The following C9orf85 variants were observed in gnomAD, a reference collection of about 807,000 sequenced individuals.
C9orf85 encodes the protein uncharacterized protein C9orf85.
In C9orf85, 16 loss-of-function variants were observed where a neutral mutation model predicts 14.9. That is an observed-to-expected ratio of 1.08 (90% CI 0.73 to 1.63). The LOEUF (loss-of-function observed/expected upper bound fraction) is 1.63, where lower values mean the gene tolerates loss of function less well. Among genes scored for constraint, C9orf85 ranks in the 40% most tolerant of loss-of-function variants. The pLI, the probability that C9orf85 is intolerant of heterozygous loss-of-function variation, is 0.00. For missense variants in C9orf85, 172 were observed against 186.1 expected, an observed-to-expected ratio of 0.92 and a Z score of 0.44; for synonymous variants, 45 against 56.8, an observed-to-expected ratio of 0.79 and a Z score of 0.93.
chr9:71,964,719 C>A (rs1338943087), intron 2 of C9orf85, among the ~76,000 whole-genome samples: 1 of 152,170 alleles, frequency 6.6e-6, no homozygotes. Flanking sequence ...ACCAAGAACC[C>A]ACCAATTCCG....
rs566409513 is a variant in C9orf85, at chr9:71,915,877, T to C, written c.102+4041T>C. Among the ~76,000 whole-genome samples the C allele has an allele frequency of 4.3e-4, 65 of 152,372 alleles. 2 individuals are homozygous for C. The highest frequency in any genetic ancestry group is 6.2e-4 in the South Asian group (3 of 4,830). ...AATGTGGATTAGCTTATTTAACTAC[T>C]TTCCTATTAATAAACATTGAGTTGT... On this transcript the variant is annotated intron_variant, in intron 1 of 3. Coordinates refer to ENST00000334731, the MANE Select transcript of C9orf85 (RefSeq NM_182505.5).
At chr9:71,978,284 A>AT (rs1382108287), downstream of C9orf85, among the ~76,000 whole-genome samples, 1 of 151,812 alleles carries the variant, frequency 6.6e-6, no homozygotes, top group African/African-American at 2.4e-5. Context: ...TAATTTTTGT[A>AT]TTTTTTATGG....
intron 3 of C9orf85, among the ~76,000 whole-genome samples, chr9:71,980,446 C>G (rs1287578583): frequency 1.3e-5 from 2 of 152,070 alleles, no homozygotes; most frequent in Non-Finnish European, 2.9e-5. Flanking sequence ...CCGTGACCAG[C>G]TGAGGTTAGA....
intron 2 of C9orf85, among the ~76,000 whole-genome samples, chr9:71,963,613 T>C (rs968275476): frequency 6.6e-6 from 1 of 152,196 alleles, no homozygotes; most frequent in African/African-American, 2.4e-5. Flanking sequence ...GGGCGTGGGC[T>C]TGGCGGGCCC....
At chr9:71,951,435 T>C (rs1307097449) in intron 2 of C9orf85, among the ~76,000 whole-genome samples, 2 of 152,184 alleles carry the variant, frequency 1.3e-5, no homozygotes, top group African/African-American at 4.8e-5. Context: ...AATAAAGTGA[T>C]AAGCTCATAA....
intron 1 of C9orf85, among the ~76,000 whole-genome samples, chr9:71,933,315 A>G (rs1216548531): frequency 6.6e-6 from 1 of 152,232 alleles, no homozygotes; most frequent in Non-Finnish European, 1.5e-5. Context: ...GAGATACATT[A>G]TAATCAAACT....
chr9:71,934,591 G>A lies in C9orf85; in HGVS notation c.103-12415G>A, dbSNP rs548389251. ...GGATTAATAGCCAGAATATATGGTC[G>A]AGAACAGTGGCTCACACCTGTAATC... On this transcript the variant is annotated intron_variant, in intron 1 of 3. Coordinates refer to ENST00000334731, the MANE Select transcript of C9orf85 (RefSeq NM_182505.5). 4.9e-4 allele frequency among the ~76,000 whole-genome samples: 74 copies of A among 152,018 alleles called. 2 individuals carry two copies. Among genetic ancestry groups the A allele is most frequent in the Non-Finnish European group, 1.0e-4 (7 of 67,952 alleles).
At chr9:71,985,207 A>G (rs1823186381), downstream of C9orf85, 1 of 152,234 alleles carries the variant, frequency 6.6e-6, no homozygotes, top group South Asian at 2.1e-4. Context: ...ATCTCTTTAC[A>G]TAGCTTCAAA....
intron 2 of C9orf85, among the ~76,000 whole-genome samples, chr9:71,961,418 G>A (rs753539838): frequency 1.3e-4 from 19 of 151,874 alleles, no homozygotes; most frequent in South Asian, 2.1e-4. Flanking sequence ...AAAATTAGCC[G>A]GGCATGGTGG....
At chr9:71,944,773 G>A (rs1417907633) in intron 1 of C9orf85, among the ~76,000 whole-genome samples, 3 of 152,062 alleles carry the variant, frequency 2.0e-5, no homozygotes, top group African/African-American at 4.8e-5. Flanking sequence ...TAAGTGAAAA[G>A]TACTATTCTT....
chr9:71,952,126 G>C lies in C9orf85; in HGVS notation c.209+5014G>C, dbSNP rs1057260616. 4.6e-5 allele frequency among the ~76,000 whole-genome samples: 7 copies of C among 152,166 alleles called. No homozygotes were observed. In the East Asian group the frequency reaches 1.3e-3, roughly 29 times the overall value. ...TTCTTACCAAGACAAAAGTAAAGCAGATGGAGGTAAGATTCAAATGCAAAT... is the reference window on the plus strand; with the variant it reads ...TTCTTACCAAGACAAAAGTAAAGCACATGGAGGTAAGATTCAAATGCAAAT... On this transcript the variant is annotated intron_variant, in intron 2 of 3. Coordinates refer to ENST00000334731, the MANE Select transcript of C9orf85 (RefSeq NM_182505.5).
At chr9:71,924,602 T>C (rs1827888691) in intron 1 of C9orf85, among the ~76,000 whole-genome samples, 1 of 152,202 alleles carries the variant, frequency 6.6e-6, no homozygotes, top group East Asian at 1.9e-4. Flanking sequence ...CCCAGCATCA[T>C]GGATATGAAA....
chr9:71,980,160 C>T (rs898441523), intron 3 of C9orf85, among the ~76,000 whole-genome samples: 3 of 151,738 alleles, frequency 2.0e-5, no homozygotes, highest in Admixed American at 6.6e-5. Context: ...ATCACAGGTG[C>T]GCGCCACCAT....
chr9:71,977,808 C>T (rs1823032018), downstream of C9orf85, among the ~76,000 whole-genome samples: 2 of 152,252 alleles, frequency 1.3e-5, no homozygotes, highest in South Asian at 4.1e-4. Context: ...GGACCACTTT[C>T]CACAATTTTT....
downstream of C9orf85, among the ~76,000 whole-genome samples, chr9:71,976,580 T>G (rs1157835683): frequency 6.6e-6 from 1 of 150,844 alleles, no homozygotes; most frequent in Non-Finnish European, 1.5e-5. Context: ...GAGAATGGCA[T>G]GAACCCGGGA....
rs1197202637 is a variant in C9orf85 at position 71,911,835 on chromosome 9, A to C, written c.101A>C (p.Lys34Thr). 1.2e-6 allele frequency: 2 copies of C among 1,613,778 alleles called. No homozygotes were observed. The highest frequency in any genetic ancestry group is 3.3e-5 in the Admixed American group (2 of 60,024). ...NDKFDKSVQTKKINAKLHDGV... is the reference protein window; with the variant it reads ...NDKFDKSVQTTKINAKLHDGV... Reference sequence around the variant, plus strand: ...AAGTTCGATAAAAGTGTGCAGACCAAGGTAGGAACCTGCCTGTTGCACCGT... The same window carrying C: ...AAGTTCGATAAAAGTGTGCAGACCACGGTAGGAACCTGCCTGTTGCACCGT... The change falls in exon 1 of 4, where the codon AAG (lysine) becomes ACG (threonine). Residue 34 changes from lysine (K) to threonine (T), a missense_variant and splice_region_variant. Transcript: ENST00000334731.
In C9orf85 at chr9:71,956,267, T is replaced by G. The variant is rs1038254698; in HGVS notation, c.209+9155T>G. ...GTTTTTTTTTTTTTTTTTTTTTTTTTGAGACAGAATTTCGCTCTTGTTGCC... is the reference window on the plus strand; with the variant it reads ...GTTTTTTTTTTTTTTTTTTTTTTTTGGAGACAGAATTTCGCTCTTGTTGCC... On this transcript the variant is annotated intron_variant, in intron 2 of 3. Transcript: ENST00000334731. 6.4e-4 allele frequency among the ~76,000 whole-genome samples: 54 copies of G among 83,898 alleles called. No homozygotes were observed. The Middle Eastern group carries it at 0.023, about 36-fold the overall frequency. The allele number at this position is 83,898 out of a possible 152,430, so 55.0% of individuals were successfully genotyped here.
intron 1 of C9orf85, among the ~76,000 whole-genome samples, chr9:71,927,266 C>A (rs1343190003): frequency 8.3e-4 from 88 of 106,642 alleles, no homozygotes; most frequent in African/African-American, 2.4e-3. Flanking sequence ...GAAAGTTTGT[C>A]AAAAAAAAAA....
At chr9:71,926,199 T>C (rs565113016) in intron 1 of C9orf85, among the ~76,000 whole-genome samples, 61 of 152,368 alleles carry the variant, frequency 4.0e-4, no homozygotes, top group Non-Finnish European at 7.3e-4. Context: ...ATTCTATAGC[T>C]ACAGCTCTTT....
Sources: gnomAD v4.1 joint callset for allele counts (sites outside exome capture counted in the v4.1 genomes callset) on GRCh38, gnomAD v4.1.1 for gene constraint, MANE v1.5 for transcripts, NCBI Gene and HGNC (gene_info 2026-07-23, HGNC 2026-07-21) for gene names.